The following LRRC4C variants were observed in gnomAD, a reference collection of about 807,000 sequenced individuals.
LRRC4C encodes leucine-rich repeat-containing protein 4C.
In LRRC4C, 5 loss-of-function variants were observed where a neutral mutation model predicts 33.6. The ratio of observed to expected loss-of-function variants is 0.15; its 90% confidence interval spans 0.08 to 0.31. LRRC4C has a LOEUF of 0.31. Among genes scored for constraint, LRRC4C ranks in the 10% least tolerant of loss-of-function variants. The pLI, the probability that LRRC4C is intolerant of heterozygous loss-of-function variation, is 1.00. For missense variants in LRRC4C, 560 were observed against 796.7 expected (o/e 0.70, Z 3.58); for synonymous variants, 329 against 302.0 (o/e 1.09, Z -0.93).
intron 1 of LRRC4C, among the ~76,000 whole-genome samples, chr11:41,406,990 T>G (rs1467596677): frequency 6.6e-6 from 1 of 152,166 alleles, no homozygotes; most frequent in East Asian, 1.9e-4. Context: ...GAAAAAATCT[T>G]GTAATTACAG....
At chr11:40,601,488 T>G (rs563269362) in intron 3 of LRRC4C, among the ~76,000 whole-genome samples, 1 of 152,340 alleles carries the variant, frequency 6.6e-6, no homozygotes, top group African/African-American at 2.4e-5. Flanking sequence ...AGGTTTTGAT[T>G]CAATACATCT....
chr11:40,544,889 A>G (rs1956856052), intron 3 of LRRC4C, among the ~76,000 whole-genome samples: 1 of 152,030 alleles, frequency 6.6e-6, no homozygotes, highest in Non-Finnish European at 1.5e-5. Flanking sequence ...ACGATCAAAC[A>G]TTTGTTAATT....
At chr11:41,186,030 AAC>A (rs2136184533) in intron 1 of LRRC4C, among the ~76,000 whole-genome samples, 1 of 152,252 alleles carries the variant, frequency 6.6e-6, no homozygotes, top group Non-Finnish European at 1.5e-5. Context: ...ATAGTAAATA[AAC>A]ACATAGAAAA....
Position 40,114,977 on chromosome 11 carries a change from G to A in LRRC4C, c.1316C>T (p.Ala439Val). The A allele has an allele frequency of 6.2e-7, 1 of 1,614,194 alleles. No homozygotes were observed. The highest frequency in any genetic ancestry group is 8.5e-7 in the Non-Finnish European group (1 of 1,180,030). The change falls in exon 7 of 7, where the codon GCC becomes GTC. Residue 439 changes from alanine (A) to valine (V), a missense_variant. Ala to Val is a moderately conservative substitution (Grantham distance 64). Coordinates refer to ENST00000528697, the MANE Select transcript of LRRC4C (RefSeq NM_001258419.2). ...GGTTGCTGCAGTAACATTCAGGGTG[G>A]CTGAAGCAGTAGTATTCCCAACGGA... The part of the protein sequence containing the change: ...SNSVGNTTAS[A>V]TLNVTAATTT...
intron 3 of LRRC4C, among the ~76,000 whole-genome samples, chr11:40,584,308 C>T (rs1044871097): frequency 1.3e-5 from 2 of 150,174 alleles, no homozygotes; most frequent in African/African-American, 4.9e-5. Flanking sequence ...GTAGAACACT[C>T]CCCCTCAGTC....
chr11:41,104,064 A>T (rs2135641788), intron 1 of LRRC4C, among the ~76,000 whole-genome samples: 1 of 152,102 alleles, frequency 6.6e-6, no homozygotes, highest in East Asian at 1.9e-4. Flanking sequence ...TATTTCTTAG[A>T]TACAACACAT....
Position 40,825,267 on chromosome 11 carries a change from C to T in LRRC4C, c.-407+108368G>A, listed in dbSNP as rs533663106. 2.6e-5 allele frequency among the ~76,000 whole-genome samples: 4 copies of T among 152,010 alleles called. No homozygotes were observed. In the South Asian group the frequency reaches 8.3e-4, roughly 32 times the overall value. On this transcript the variant is annotated intron_variant, in intron 2 of 6. Coordinates refer to ENST00000528697, the MANE Select transcript of LRRC4C (RefSeq NM_001258419.2). The stretch of plus-strand genomic sequence containing the variant: ...AGTGTGTATAAAACGATGGCTCTCA[C>T]TATGCCGTGTTGCCGAGATCTAAAT...
intron 2 of LRRC4C, among the ~76,000 whole-genome samples, chr11:40,837,628 C>T (rs988345095): frequency 6.8e-6 from 1 of 147,868 alleles, no homozygotes; most frequent in Non-Finnish European, 1.5e-5. Flanking sequence ...TCACTAGAGA[C>T]CAGGTGTTTG....
chr11:41,205,586 T>C (rs539949642), intron 1 of LRRC4C, among the ~76,000 whole-genome samples: 7 of 151,882 alleles, frequency 4.6e-5, no homozygotes, highest in Non-Finnish European at 1.5e-5. Context: ...CAGAGATAAA[T>C]TTGTTTGTTT....
intron 1 of LRRC4C, among the ~76,000 whole-genome samples, chr11:41,109,742 C>G (rs1941720660): frequency 6.6e-6 from 1 of 152,034 alleles, no homozygotes; most frequent in Non-Finnish European, 1.5e-5. Flanking sequence ...AGGAATCAGA[C>G]AGCTCATCAA....
intron 3 of LRRC4C, among the ~76,000 whole-genome samples, chr11:40,569,271 A>G (rs1187620998): frequency 6.6e-6 from 1 of 152,176 alleles, no homozygotes. Flanking sequence ...ATTTAGACTC[A>G]GATGCTGAAA....
At chr11:40,303,396 C>T (rs1022789945) in intron 4 of LRRC4C, among the ~76,000 whole-genome samples, 2 of 152,134 alleles carry the variant, frequency 1.3e-5, no homozygotes, top group African/African-American at 4.8e-5. Context: ...CAAAATAATG[C>T]TCTATGAACA....
chr11:40,418,703 A>G (rs768638436), intron 3 of LRRC4C, among the ~76,000 whole-genome samples: 17 of 152,222 alleles, frequency 1.1e-4, no homozygotes, highest in Non-Finnish European at 2.4e-4. Context: ...AAGGCACGGA[A>G]TGAACCCAAA....
At chr11:40,453,638 C>T (rs536302244) in intron 3 of LRRC4C, among the ~76,000 whole-genome samples, 2 of 143,482 alleles carry the variant, frequency 1.4e-5, no homozygotes, top group South Asian at 2.3e-4. Flanking sequence ...CAACTACGGA[C>T]CAATATCCCT....
chr11:41,412,830 T>C (rs1954538525), intron 1 of LRRC4C, among the ~76,000 whole-genome samples: 2 of 152,118 alleles, frequency 1.3e-5, no homozygotes, highest in African/African-American at 4.8e-5. Flanking sequence ...CCACTAATTC[T>C]CAAAAAGGAA....
intron 5 of LRRC4C, among the ~76,000 whole-genome samples, chr11:40,159,049 A>G (rs1394654671): frequency 6.6e-6 from 1 of 152,200 alleles, no homozygotes; most frequent in Non-Finnish European, 1.5e-5. Context: ...ATGGATTGTA[A>G]TTATACTACA....
intron 1 of LRRC4C, among the ~76,000 whole-genome samples, chr11:41,210,536 T>C (rs1946780762): frequency 6.6e-6 from 1 of 152,164 alleles, no homozygotes; most frequent in African/African-American, 2.4e-5. Context: ...GTCTTGGGTA[T>C]GTCTTTATCA....
chr11:40,925,975 T>C (rs1246144121), intron 2 of LRRC4C, among the ~76,000 whole-genome samples: 1 of 152,164 alleles, frequency 6.6e-6, no homozygotes, highest in Non-Finnish European at 1.5e-5. Flanking sequence ...TGAGTGCTTA[T>C]TTAAATGTAG....
chr11:40,339,352 A>G (rs1946766100), intron 3 of LRRC4C, among the ~76,000 whole-genome samples: 1 of 152,198 alleles, frequency 6.6e-6, no homozygotes, highest in South Asian at 2.1e-4. Flanking sequence ...CTCGAACTCC[A>G]TATGTGTTAG....
Sources: gnomAD v4.1 joint callset for allele counts (sites outside exome capture counted in the v4.1 genomes callset) on GRCh38, gnomAD v4.1.1 for gene constraint, MANE v1.5 for transcripts, NCBI Gene and HGNC (gene_info 2026-07-23, HGNC 2026-07-21) for gene names.